TMEM132D: variants seen among roughly 807,000 people sequenced by gnomAD.
TMEM132D encodes the protein transmembrane protein 132D, also known as mature OL transmembrane protein.
In TMEM132D, 21 loss-of-function variants were observed where a neutral mutation model predicts 62.3. The ratio of observed to expected loss-of-function variants is 0.34; its 90% confidence interval spans 0.24 to 0.49. TMEM132D has a LOEUF of 0.49. Among genes scored for constraint, TMEM132D ranks in the 20% least tolerant of loss-of-function variants. TMEM132D has a pLI of 0.99. For synonymous variants in TMEM132D, 621 were observed against 575.6 expected, an observed-to-expected ratio of 1.08 and a Z score of -1.13; for missense variants, 1,346 against 1,402.8, an observed-to-expected ratio of 0.96 and a Z score of 0.65.
intron 4 of TMEM132D, among the ~76,000 whole-genome samples, chr12:129,222,022 C>T (rs1025794169): frequency 2.6e-5 from 4 of 152,098 alleles, no homozygotes; most frequent in African/African-American, 9.7e-5. Flanking sequence ...ATTTATAAAC[C>T]GCTCTGTTTC....
chr12:129,481,319 C>T (rs11060371), intron 3 of TMEM132D, among the ~76,000 whole-genome samples: 13,833 of 151,788 alleles, frequency 0.091, 694 homozygotes, highest in East Asian at 0.19. Context: ...AAAAATTAGC[C>T]GGGCGTGGTA....
Position 129,696,041 on chromosome 12 carries a change from C to G in TMEM132D, c.968+3769G>C, listed in dbSNP as rs557414322. Among the ~76,000 whole-genome samples, 44 of 152,310 alleles carry G rather than the reference C, an allele frequency of 2.9e-4. 2 individuals carry two copies. The South Asian group carries it at 8.7e-3, about 30-fold the overall frequency. On this transcript the variant is annotated intron_variant, in intron 2 of 8. Transcript: ENST00000422113. ...GAAGAAATCCTATTCTGGGCCAACACAGGTTCAAAGGTTACATCATTCAAG... is the reference window on the plus strand; with the variant it reads ...GAAGAAATCCTATTCTGGGCCAACAGAGGTTCAAAGGTTACATCATTCAAG...
intron 3 of TMEM132D, among the ~76,000 whole-genome samples, chr12:129,381,381 C>T (rs1411542022): frequency 2.6e-5 from 4 of 152,174 alleles, no homozygotes; most frequent in African/African-American, 9.7e-5. Context: ...TTTGAGAATA[C>T]TGGAAAACAC....
At chr12:129,681,779 A>T (rs1354733951) in intron 2 of TMEM132D, among the ~76,000 whole-genome samples, 4 of 151,640 alleles carry the variant, frequency 2.6e-5, no homozygotes, top group Non-Finnish European at 5.9e-5. Flanking sequence ...AATCCAACAC[A>T]CTCTCATCCC....
intron 1 of TMEM132D, among the ~76,000 whole-genome samples, chr12:129,727,970 G>A (rs553248914): frequency 2.2e-4 from 34 of 152,228 alleles, no homozygotes; most frequent in African/African-American, 6.3e-4. Flanking sequence ...AGGAAATTAC[G>A]TTCTTTTCTG....
At chr12:129,360,493 T>G (rs2135674092) in intron 3 of TMEM132D, among the ~76,000 whole-genome samples, 1 of 152,314 alleles carries the variant, frequency 6.6e-6, no homozygotes, top group African/African-American at 2.4e-5. Flanking sequence ...GGATGGGTTC[T>G]TAAAAGAGAC....
chr12:129,667,493 T>C (rs1028240381), intron 2 of TMEM132D, among the ~76,000 whole-genome samples: 1 of 152,172 alleles, frequency 6.6e-6, no homozygotes, highest in African/African-American at 2.4e-5. Flanking sequence ...TAAAGGTTTT[T>C]CTTTTAAGAT....
chr12:129,302,295 C>T (rs1213075506), intron 4 of TMEM132D, among the ~76,000 whole-genome samples: 4 of 152,162 alleles, frequency 2.6e-5, no homozygotes, highest in South Asian at 2.1e-4. Context: ...TTGTAGTTTT[C>T]GTAGAGATGG....
At chr12:129,468,901 G>A (rs930531348) in intron 3 of TMEM132D, among the ~76,000 whole-genome samples, 12 of 152,336 alleles carry the variant, frequency 7.9e-5, no homozygotes, top group African/African-American at 2.6e-4. Flanking sequence ...GATGGAAACA[G>A]ATGTTTTGGT....
intron 1 of TMEM132D, among the ~76,000 whole-genome samples, chr12:129,769,269 T>C (rs1015183619): frequency 2.0e-5 from 3 of 152,154 alleles, no homozygotes; most frequent in African/African-American, 4.8e-5. Flanking sequence ...CAGTTCCACA[T>C]GGCTGGGGAG....
chr12:129,672,761 T>A (rs958586379), intron 2 of TMEM132D, among the ~76,000 whole-genome samples: 6 of 152,184 alleles, frequency 3.9e-5, no homozygotes, highest in African/African-American at 1.4e-4. Context: ...AGGTGGTAGT[T>A]GTTGTTTTGA....
intron 5 of TMEM132D, among the ~76,000 whole-genome samples, chr12:129,184,927 A>C (rs1013537204): frequency 1.3e-5 from 2 of 152,184 alleles, no homozygotes; most frequent in African/African-American, 4.8e-5. Flanking sequence ...TCATGACCCC[A>C]GCTGCCCCAG....
In TMEM132D at chr12:129,525,236, T is replaced by G. The variant is rs1291618620; in HGVS notation, c.1115+5823A>C. On this transcript the variant is annotated intron_variant, in intron 3 of 8. Transcript: ENST00000422113. ...CACGGTGCCCAGCCGGTTTTTTTTT[T>G]TTTTTTTTTTTTTTTTTTTGCTAAT... Among the ~76,000 whole-genome samples the G allele has an allele frequency of 1.3e-3, 171 of 132,576 alleles. 4 individuals are homozygous for G. The highest frequency in any genetic ancestry group is 7.7e-4 in the African/African-American group (24 of 31,126). The allele number at this position is 132,576 out of a possible 152,430, so 87.0% of individuals were successfully genotyped here.
chr12:129,265,474 C>G (rs1880661546), intron 4 of TMEM132D, among the ~76,000 whole-genome samples: 1 of 152,192 alleles, frequency 6.6e-6, no homozygotes, highest in South Asian at 2.1e-4. Flanking sequence ...TAATCCACCA[C>G]ACCCTCTGAA....
At chr12:129,518,622 C>T (rs934347256) in intron 3 of TMEM132D, among the ~76,000 whole-genome samples, 3 of 151,348 alleles carry the variant, frequency 2.0e-5, no homozygotes, top group African/African-American at 7.3e-5. Flanking sequence ...TGGTTATTAA[C>T]AAAATCAGGT....
intron 1 of TMEM132D, among the ~76,000 whole-genome samples, chr12:129,836,568 G>A (rs1440879527): frequency 6.6e-6 from 1 of 151,952 alleles, no homozygotes; most frequent in Non-Finnish European, 1.5e-5. Context: ...TATTACCCAA[G>A]TATATGCTAC....
chr12:129,110,580 A>G (rs1875661298), intron 5 of TMEM132D: 1 of 152,254 alleles, frequency 6.6e-6, no homozygotes, highest in African/African-American at 2.4e-5. Context: ...ACTGCCCCAG[A>G]AGCACCCACA....
At chr12:129,485,317 C>T (rs1874550985) in intron 3 of TMEM132D, among the ~76,000 whole-genome samples, 1 of 152,148 alleles carries the variant, frequency 6.6e-6, no homozygotes, top group South Asian at 2.1e-4. Context: ...CTCCAGGAGG[C>T]ATTACCTCCC....
intron 2 of TMEM132D, among the ~76,000 whole-genome samples, chr12:129,544,235 C>T (rs1034367302): frequency 2.0e-5 from 3 of 152,098 alleles, no homozygotes; most frequent in Admixed American, 1.3e-4. Context: ...TTAAGTTAAA[C>T]GTCTGTTCAA....
Sources: allele counts gnomAD v4.1 joint callset (sites outside exome capture counted in the v4.1 genomes callset), GRCh38; gene constraint gnomAD v4.1.1; transcripts MANE v1.5; gene names NCBI Gene and HGNC (gene_info 2026-07-23, HGNC 2026-07-21).